The following BNC2 variants were observed in gnomAD, a reference collection of about 807,000 sequenced individuals.
BNC2 encodes the protein zinc finger protein basonuclin-2.
Under a neutral mutation model 76.3 loss-of-function variants are expected in BNC2, and 20 were observed. The ratio of observed to expected loss-of-function variants is 0.26; its 90% confidence interval spans 0.18 to 0.38. The LOEUF (loss-of-function observed/expected upper bound fraction) is 0.38, where lower values mean the gene tolerates loss of function less well. Among genes scored for constraint, BNC2 ranks in the 10% least tolerant of loss-of-function variants. BNC2 has a pLI of 1.00. For missense variants in BNC2, 1,382 were observed against 1,399.8 expected, an observed-to-expected ratio of 0.99 and a Z score of 0.20; for synonymous variants, 582 against 514.8, an observed-to-expected ratio of 1.13 and a Z score of -1.77.
intron 3 of BNC2, among the ~76,000 whole-genome samples, chr9:16,603,953 T>C (rs542370269): frequency 1.3e-5 from 2 of 152,184 alleles, no homozygotes; most frequent in Non-Finnish European, 2.9e-5. Context: ...GTCCATTTTT[T>C]TCTTTCCTCA....
intron 3 of BNC2, among the ~76,000 whole-genome samples, chr9:16,595,154 G>C (rs1046497062): frequency 2.0e-5 from 3 of 152,044 alleles, no homozygotes; most frequent in Non-Finnish European, 4.4e-5. Flanking sequence ...GATATTCCCA[G>C]GAACACTTGG....
At chr9:16,847,188 T>C (rs1819002639) in intron 1 of BNC2, among the ~76,000 whole-genome samples, 1 of 152,090 alleles carries the variant, frequency 6.6e-6, no homozygotes, top group African/African-American at 2.4e-5. Flanking sequence ...GTTATGACAC[T>C]AGGACAGGCA....
At chr9:16,527,158 C>T (rs1373515817) in intron 5 of BNC2, among the ~76,000 whole-genome samples, 5 of 152,134 alleles carry the variant, frequency 3.3e-5, no homozygotes, top group Non-Finnish European at 5.9e-5. Flanking sequence ...TCACATCTTC[C>T]GCATGATAGC....
chr9:16,577,485 G>A (rs996833763), intron 4 of BNC2, among the ~76,000 whole-genome samples: 48 of 151,962 alleles, frequency 3.2e-4, no homozygotes, highest in African/African-American at 1.1e-3. Context: ...CATCATTTCC[G>A]TGGAAGAACT....
At chr9:16,850,880 T>C (rs1352778014) in intron 1 of BNC2, among the ~76,000 whole-genome samples, 1 of 152,130 alleles carries the variant, frequency 6.6e-6, no homozygotes, top group Non-Finnish European at 1.5e-5. Context: ...AAAAGACTTT[T>C]GAAGATTCAG....
At position 16,670,132 on chromosome 9, in the gene BNC2, T is replaced by C. The variant is rs187733530; in HGVS notation, c.330+57665A>G. 2.3e-3 allele frequency among the ~76,000 whole-genome samples: 349 copies of C among 152,286 alleles called. 1 individual carries two copies. The highest frequency in any genetic ancestry group is 3.9e-3 in the Non-Finnish European group (263 of 68,010). Reference sequence around the variant, plus strand: ...TTTTCCTTACACTCTTCTCTAAATCTTCACTGATCTATCATATGTCATGGT... The same window carrying C: ...TTTTCCTTACACTCTTCTCTAAATCCTCACTGATCTATCATATGTCATGGT... On this transcript the variant is annotated intron_variant, in intron 3 of 6. Transcript: ENST00000380672.
At chr9:16,547,193 T>C (rs1009880640) in intron 5 of BNC2, among the ~76,000 whole-genome samples, 11 of 152,340 alleles carry the variant, frequency 7.2e-5, no homozygotes, top group Admixed American at 2.0e-4. Flanking sequence ...TAAATACAAG[T>C]GTTTGCTTAA....
chr9:16,417,513 T>G lies in BNC2; in HGVS notation c.*1476A>C, dbSNP rs554216034. On this transcript the variant is annotated 3_prime_UTR_variant, in exon 7 of 7. Coordinates refer to ENST00000380672, the MANE Select transcript of BNC2 (RefSeq NM_017637.6). ...TGTTGCTCCATTCAAGTTTAGCACA[T>G]GTTTTCAAAGCTTCCAAGTACTGCT... 2.6e-5 allele frequency: 4 copies of G among 151,632 alleles called. No homozygotes were observed. The highest frequency in any genetic ancestry group is 3.9e-4 in the East Asian group (2 of 5,146). The allele number at this position is 151,632 out of a possible 1,614,324, so 9.4% of individuals were successfully genotyped here.
chr9:16,487,412 G>C (rs998593094), intron 5 of BNC2, among the ~76,000 whole-genome samples: 2 of 152,156 alleles, frequency 1.3e-5, no homozygotes, highest in Non-Finnish European at 2.9e-5. Context: ...AAAAATGTAT[G>C]AGAGACCTAA....
intron 1 of BNC2, among the ~76,000 whole-genome samples, chr9:16,790,642 G>C (rs1002954672): frequency 6.6e-6 from 1 of 152,068 alleles, no homozygotes; most frequent in Admixed American, 6.6e-5. Flanking sequence ...ATATCTGTGA[G>C]AGTTCCTCTC....
At chr9:16,790,888 T>C (rs1162131801) in intron 1 of BNC2, among the ~76,000 whole-genome samples, 1 of 150,756 alleles carries the variant, frequency 6.6e-6, no homozygotes, top group Non-Finnish European at 1.5e-5. Flanking sequence ...TAACACTTCA[T>C]TTATTTGATG....
intron 4 of BNC2, among the ~76,000 whole-genome samples, chr9:16,557,869 G>T (rs1225255625): frequency 1.1e-4 from 16 of 149,072 alleles, no homozygotes; most frequent in African/African-American, 2.2e-4. Context: ...TTGTTTGTTT[G>T]TTTTTTTTTG....
chr9:16,813,266 AT>A (rs1050994391), intron 1 of BNC2, among the ~76,000 whole-genome samples: 146 of 141,434 alleles, frequency 1.0e-3, no homozygotes, highest in South Asian at 1.2e-3. Flanking sequence ...CAGAAAAACC[AT>A]TTTTTTTTTT....
chr9:16,863,673 C>T (rs943437329), intron 1 of BNC2, among the ~76,000 whole-genome samples: 12 of 152,062 alleles, frequency 7.9e-5, no homozygotes, highest in Admixed American at 5.2e-4. Flanking sequence ...CTAGTTTGGG[C>T]GACAGAGCGA....
intron 5 of BNC2, among the ~76,000 whole-genome samples, chr9:16,535,178 G>T (rs1243634169): frequency 6.6e-6 from 1 of 152,134 alleles, no homozygotes; most frequent in Admixed American, 6.5e-5. Context: ...ATTGTTTATG[G>T]CAACGTTGCC....
intron 5 of BNC2, among the ~76,000 whole-genome samples, chr9:16,438,773 G>A (rs934842825): frequency 1.3e-5 from 2 of 152,092 alleles, no homozygotes; most frequent in Non-Finnish European, 2.9e-5. Flanking sequence ...AAACCTAACA[G>A]ACCCTACCTT....
At chr9:16,747,564 G>A (rs1489982245) in intron 1 of BNC2, among the ~76,000 whole-genome samples, 1 of 152,194 alleles carries the variant, frequency 6.6e-6, no homozygotes, top group Non-Finnish European at 1.5e-5. Flanking sequence ...AGCTAAGAGA[G>A]TTTAGTCACT....
chr9:16,679,113 C>G (rs1359405252), intron 3 of BNC2, among the ~76,000 whole-genome samples: 2 of 152,042 alleles, frequency 1.3e-5, no homozygotes, highest in African/African-American at 4.8e-5. Flanking sequence ...CAATCACAGC[C>G]AGACTCTATA....
chr9:16,766,479 C>T, intron 1 of BNC2, among the ~76,000 whole-genome samples: 1 of 152,140 alleles, frequency 6.6e-6, no homozygotes, highest in Admixed American at 6.5e-5. Context: ...GGGATGGGAA[C>T]CCAGTTCCCA....
Sources: gnomAD v4.1 joint callset for allele counts (sites outside exome capture counted in the v4.1 genomes callset) on GRCh38, gnomAD v4.1.1 for gene constraint, MANE v1.5 for transcripts, NCBI Gene and HGNC (gene_info 2026-07-23, HGNC 2026-07-21) for gene names.